The following AHCY variants were observed in gnomAD, a reference collection of about 807,000 sequenced individuals.
The protein encoded by AHCY is S-adenosyl-L-homocysteine hydrolase.
AHCY carries 24 observed loss-of-function variants against 45.4 expected under a neutral mutation model. The ratio of observed to expected loss-of-function variants is 0.53; its 90% CI spans 0.38 to 0.74. AHCY has a LOEUF of 0.74. AHCY is among the 30% of genes least tolerant of loss of function. The pLI, the probability that AHCY is intolerant of heterozygous loss-of-function variation, is 0.00. For missense variants in AHCY, 449 were observed against 594.1 expected (o/e 0.76, Z 2.54); for synonymous variants, 245 against 235.1 (o/e 1.04, Z -0.39).
At chr20:34,268,690 C>A in the AHCY span, among the ~76,000 whole-genome samples, 1 of 151,592 alleles carries the variant, frequency 6.6e-6, no homozygotes, top group Non-Finnish European at 1.5e-5. Flanking sequence ...GCCGAGATCG[C>A]GCCACTGCAG....
At chr20:34,234,993 C>T in the AHCY span, 16 of 152,214 alleles carry the variant, frequency 1.1e-4, 1 homozygote, top group African/African-American at 3.6e-4. Flanking sequence ...AAATCCATGG[C>T]TAATGTTGCC....
the AHCY span, chr20:34,269,040 C>A: frequency 6.2e-7 from 1 of 1,606,268 alleles, no homozygotes; most frequent in Non-Finnish European, 8.5e-7. Context: ...CCCCTATCTG[C>A]GCCCTGCGTG....
the AHCY span, among the ~76,000 whole-genome samples, chr20:34,252,673 T>TC: frequency 1.3e-4 from 20 of 151,958 alleles, no homozygotes; most frequent in Non-Finnish European, 1.5e-4. Flanking sequence ...CTTTCACTAC[T>TC]CCCCCTCAGC....
chr20:34,284,772 G>A (rs934247388), intron 9 of AHCY, among the ~76,000 whole-genome samples: 9 of 152,166 alleles, frequency 5.9e-5, no homozygotes, highest in Admixed American at 1.3e-4. Flanking sequence ...GCAGTAAGCC[G>A]AGATCACGTC....
the AHCY span, among the ~76,000 whole-genome samples, chr20:34,271,804 A>G: frequency 6.6e-6 from 1 of 152,074 alleles, no homozygotes; most frequent in Admixed American, 6.6e-5. Context: ...ACCTCAAACT[A>G]TCTGCCCACC....
At chr20:34,307,251 G>A (rs186680559), upstream of AHCY, among the ~76,000 whole-genome samples, 1 of 151,714 alleles carries the variant, frequency 6.6e-6, no homozygotes, top group Non-Finnish European at 1.5e-5. Flanking sequence ...GCTACCACCC[G>A]GCTAATATTT....
downstream of AHCY, among the ~76,000 whole-genome samples, chr20:34,278,482 T>C (rs1483231782): frequency 6.6e-6 from 1 of 152,164 alleles, no homozygotes; most frequent in Non-Finnish European, 1.5e-5. Flanking sequence ...CTCTCCTTTT[T>C]TCTACTGTGA....
the AHCY span, among the ~76,000 whole-genome samples, chr20:34,274,327 C>T: frequency 6.6e-6 from 1 of 152,172 alleles, no homozygotes; most frequent in African/African-American, 2.4e-5. Context: ...AGCAATGTGT[C>T]TAGATAGACC....
intron 3 of AHCY, among the ~76,000 whole-genome samples, chr20:34,292,708 G>C (rs1179659161): frequency 6.6e-6 from 1 of 152,232 alleles, no homozygotes; most frequent in Non-Finnish European, 1.5e-5. Context: ...CCACTTGCCA[G>C]CTGTGTGACC....
At chr20:34,292,317 C>T in intron 4 of AHCY, 41 bp downstream of exon 4, 1 of 1,604,284 alleles carries the variant, frequency 6.2e-7, no homozygotes, top group Middle Eastern at 2.1e-4. Context: ...AGGCCCCACC[C>T]AGGCCACCAG....
chr20:34,291,149 G>A lies in AHCY; in HGVS notation c.559-211C>T, dbSNP rs549269467. Among the ~76,000 whole-genome samples the A allele has an allele frequency of 7.2e-5, 11 of 152,284 alleles. No homozygotes were observed. In the South Asian group the frequency reaches 2.3e-3, roughly 32 times the overall value. On this transcript the variant is annotated intron_variant, in intron 5 of 9. Transcript: ENST00000217426. ...TCTCTAATCTTTCTCTGCCAGTGTG[G>A]AGCCTTCCTAGGCATCAGTTACTAG...
At chr20:34,281,706 A>C (rs944819215) in intron 9 of AHCY, 2 of 193,872 alleles carry the variant, frequency 1.0e-5, no homozygotes, top group East Asian at 2.5e-4. Context: ...TCTCATTCGG[A>C]CGCCCACGCT....
chr20:34,291,549 G>A lies in AHCY; in HGVS notation c.446-18C>T. 1.2e-6 allele frequency: 2 copies of A among 1,605,848 alleles called. No individual in the cohort carries two copies. The highest frequency in any genetic ancestry group is 1.7e-6 in the Non-Finnish European group (2 of 1,172,536). ...TCGGATGCCTAAACAAGAGGGGACAGGACAAGCCTCAGAGATGCCACACCT... is the reference window on the plus strand; with the variant it reads ...TCGGATGCCTAAACAAGAGGGGACAAGACAAGCCTCAGAGATGCCACACCT... On this transcript the variant is annotated intron_variant, in intron 4 of 9. Transcript: ENST00000217426.
chr20:34,299,173 C>T (rs1197950377), intron 1 of AHCY, among the ~76,000 whole-genome samples: 1 of 152,100 alleles, frequency 6.6e-6, no homozygotes, highest in African/African-American at 2.4e-5. Flanking sequence ...AGAGACCCAC[C>T]GACCCTATGG....
At chr20:34,244,762 T>C in the AHCY span, among the ~76,000 whole-genome samples, 2 of 152,226 alleles carry the variant, frequency 1.3e-5, no homozygotes, top group South Asian at 2.1e-4. Flanking sequence ...TAGCATACTT[T>C]ATCAAATAAT....
At chr20:34,262,184 A>G in the AHCY span, among the ~76,000 whole-genome samples, 1 of 152,330 alleles carries the variant, frequency 6.6e-6, no homozygotes, top group African/African-American at 2.4e-5. Context: ...AGGGAGGAAC[A>G]TCAACATTTA....
chr20:34,297,178 A>C (rs1368952732), intron 1 of AHCY, among the ~76,000 whole-genome samples: 1 of 151,460 alleles, frequency 6.6e-6, no homozygotes, highest in Non-Finnish European at 1.5e-5. Context: ...CCCTTTGAGA[A>C]CTCACTTGGC....
the AHCY span, among the ~76,000 whole-genome samples, chr20:34,272,939 TGAA>T: frequency 6.6e-6 from 1 of 152,228 alleles, no homozygotes; most frequent in Non-Finnish European, 1.5e-5. Context: ...AGGCTGCAGA[TGAA>T]GAGATGCATA....
the AHCY span, among the ~76,000 whole-genome samples, chr20:34,251,025 G>A: frequency 6.6e-6 from 1 of 152,030 alleles, no homozygotes; most frequent in African/African-American, 2.4e-5. Context: ...GTGCACGCAC[G>A]TCAACAAGAC....
Sources: allele counts gnomAD v4.1 joint callset (sites outside exome capture counted in the v4.1 genomes callset), GRCh38; gene constraint gnomAD v4.1.1; transcripts MANE v1.5; gene names NCBI Gene and HGNC (gene_info 2026-07-23, HGNC 2026-07-21).